Variants in NBDY observed in about 807,000 individuals in gnomAD.
NBDY encodes P-body dissociating protein.
At chrX:56,738,911 G>A (rs1026038271) in intron 2 of NBDY, among the ~76,000 whole-genome samples, 1 of 110,123 alleles carries the variant, frequency 9.1e-6, no homozygotes, top group African/African-American at 3.3e-5. Context: ...AATAGACTTG[G>A]TGGAGAAACC....
At chrX:56,801,996 AC>A (rs1291685593) in intron 2 of NBDY, among the ~76,000 whole-genome samples, 1 of 109,645 alleles carries the variant, frequency 9.1e-6, no homozygotes, top group African/African-American at 3.3e-5. Context: ...ACACACACAC[AC>A]ACACACACAC....
At chrX:56,786,639 C>CTTT (rs201799020) in intron 2 of NBDY, among the ~76,000 whole-genome samples, 2 of 37,130 alleles carry the variant, frequency 5.4e-5, no homozygotes, top group East Asian at 1.5e-3. Flanking sequence ...CTTTCTGCTT[C>CTTT]TTCTTTTTCT....
intron 2 of NBDY, among the ~76,000 whole-genome samples, chrX:56,735,509 C>G (rs1051706834): frequency 8.9e-6 from 1 of 111,762 alleles, no homozygotes; most frequent in African/African-American, 3.3e-5. Context: ...CAGCAGTGCC[C>G]TTAGGCTTGC....
intron 2 of NBDY, among the ~76,000 whole-genome samples, chrX:56,782,320 C>G (rs2069697739): frequency 9.0e-6 from 1 of 110,785 alleles, no homozygotes; most frequent in African/African-American, 3.3e-5. Flanking sequence ...CCTCCTCCTT[C>G]TTCTTTCCTT....
intron 2 of NBDY, among the ~76,000 whole-genome samples, chrX:56,767,843 G>T (rs5960794): frequency 0.023 from 1,765 of 76,847 alleles, 93 homozygotes; most frequent in African/African-American, 0.085. Flanking sequence ...AGGCTGTAGG[G>T]CACAAGTACT....
chrX:56,764,458 T>C (rs1376328978), intron 2 of NBDY, among the ~76,000 whole-genome samples: 1 of 111,008 alleles, frequency 9.0e-6, no homozygotes, highest in African/African-American at 3.3e-5. Context: ...AGCGTCCCAA[T>C]GCCAGGTACA....
At position 56,790,517 on chromosome X, in the gene NBDY, C is replaced by T. The variant is rs745620206; in HGVS notation, c.*167-26803C>T. On this transcript the variant is annotated intron_variant, in intron 2 of 2. Transcript: ENST00000374922. ...GGTCACTTGTCAACAAATGCAGATT[C>T]TTTTCTCATAAGTAGGTAGCATGCA... 2.7e-5 allele frequency among the ~76,000 whole-genome samples: 3 copies of T among 112,114 alleles called. No individual in the cohort carries two copies. In the South Asian group the frequency reaches 1.1e-3, roughly 42 times the overall value.
intron 2 of NBDY, among the ~76,000 whole-genome samples, chrX:56,739,512 G>A (rs915577516): frequency 9.3e-6 from 1 of 107,140 alleles, no homozygotes; most frequent in East Asian, 2.9e-4. Flanking sequence ...ATCACACATC[G>A]ACAATTGACA....
At chrX:56,737,082 G>A (rs1322058830) in intron 2 of NBDY, among the ~76,000 whole-genome samples, 2 of 111,866 alleles carry the variant, frequency 1.8e-5, no homozygotes, top group African/African-American at 6.5e-5. Context: ...ACAGTAAATG[G>A]ATTCAGTAGT....
intron 2 of NBDY, among the ~76,000 whole-genome samples, chrX:56,766,888 G>A (rs183982313): frequency 1.8e-3 from 199 of 112,609 alleles, no homozygotes; most frequent in African/African-American, 5.7e-3. Context: ...TGTGAAAGCC[G>A]AGACAGCCTG....
chrX:56,766,607 T>C (rs1320320391), intron 2 of NBDY, among the ~76,000 whole-genome samples: 4 of 111,716 alleles, frequency 3.6e-5, no homozygotes, highest in Non-Finnish European at 5.7e-5. Flanking sequence ...GTTCGAAATA[T>C]GCAAAGGGGA....
intron 2 of NBDY, among the ~76,000 whole-genome samples, chrX:56,760,170 G>T (rs1282820293): frequency 1.8e-5 from 2 of 113,008 alleles, no homozygotes; most frequent in Admixed American, 9.2e-5. Flanking sequence ...AACCCCGGTG[G>T]GGGGAAACCC....
intron 2 of NBDY, among the ~76,000 whole-genome samples, chrX:56,753,562 G>A (rs1019922127): frequency 3.6e-5 from 4 of 111,410 alleles, no homozygotes; most frequent in Non-Finnish European, 5.7e-5. Context: ...AAGAAAAAGT[G>A]GTCAAGAAGA....
At chrX:56,789,874 C>A in intron 2 of NBDY, among the ~76,000 whole-genome samples, 1 of 111,516 alleles carries the variant, frequency 9.0e-6, no homozygotes, top group East Asian at 2.8e-4. Context: ...TAGCCAGAGC[C>A]CAGACAGTGC....
chrX:56,796,302 G>A (rs1177643908), intron 2 of NBDY, among the ~76,000 whole-genome samples: 1 of 112,008 alleles, frequency 8.9e-6, no homozygotes, highest in African/African-American at 3.2e-5. Context: ...GGCCACTTGG[G>A]CTGCCAGCTG....
chrX:56,735,194 C>T (rs1169697826), intron 2 of NBDY, among the ~76,000 whole-genome samples: 2 of 112,230 alleles, frequency 1.8e-5, no homozygotes, highest in Non-Finnish European at 3.8e-5. Context: ...ACCTTTTCAC[C>T]TATGTGAGCC....
chrX:56,794,293 A>G (rs2069780532), intron 2 of NBDY, among the ~76,000 whole-genome samples: 1 of 111,780 alleles, frequency 8.9e-6, no homozygotes, highest in Admixed American at 9.4e-5. Flanking sequence ...ATGTTCAGAA[A>G]CACCTTCTGC....
chrX:56,814,491 A>C, intron 2 of NBDY, among the ~76,000 whole-genome samples: 1 of 106,196 alleles, frequency 9.4e-6, no homozygotes, highest in Non-Finnish European at 1.9e-5. Context: ...GTTATGAACC[A>C]CATTTTTTTT....
At chrX:56,765,523 C>G (rs769102480) in intron 2 of NBDY, among the ~76,000 whole-genome samples, 1 of 111,831 alleles carries the variant, frequency 8.9e-6, no homozygotes, top group South Asian at 3.8e-4. Context: ...TCCTTTAAGC[C>G]GGATGTCAGA....
Sources: gnomAD v4.1 joint callset for allele counts (sites outside exome capture counted in the v4.1 genomes callset) on GRCh38, gnomAD v4.1.1 for gene constraint, MANE v1.5 for transcripts, NCBI Gene and HGNC (gene_info 2026-07-23, HGNC 2026-07-21) for gene names.